The following DACH2 variants were observed in gnomAD, a reference collection of about 807,000 sequenced individuals.
DACH2 encodes the protein dachshund family transcription factor 2.
DACH2 carries 17 observed loss-of-function variants against 35.8 expected under a neutral mutation model. The ratio of observed to expected loss-of-function variants is 0.48; its 90% CI spans 0.33 to 0.71. DACH2 has a LOEUF of 0.71. Among genes scored for constraint, DACH2 ranks in the 30% least tolerant of loss-of-function variants. DACH2 has a pLI of 0.02. For missense variants in DACH2, 469 were observed against 472.7 expected, an observed-to-expected ratio of 0.99 and a Z score of 0.07; for synonymous variants, 195 against 177.3, an observed-to-expected ratio of 1.10 and a Z score of -0.79.
chrX:86,223,645 G>A (rs1047227657), intron 1 of DACH2, among the ~76,000 whole-genome samples: 4 of 111,915 alleles, frequency 3.6e-5, no homozygotes, highest in African/African-American at 1.3e-4. Flanking sequence ...CCAGAAAACG[G>A]AATTGGAAGA....
intron 1 of DACH2, among the ~76,000 whole-genome samples, chrX:86,307,767 G>A (rs1307323439): frequency 9.0e-6 from 1 of 111,042 alleles, no homozygotes; most frequent in African/African-American, 3.3e-5. Context: ...GAGGAGGTGT[G>A]CTACACTTGA....
intron 3 of DACH2, among the ~76,000 whole-genome samples, chrX:86,555,136 T>C (rs1422465385): frequency 8.9e-6 from 1 of 111,827 alleles, no homozygotes; most frequent in Non-Finnish European, 1.9e-5. Context: ...ACACCTGCAG[T>C]GTAACAGGTT....
chrX:86,230,102 C>T (rs898997333), intron 1 of DACH2, among the ~76,000 whole-genome samples: 3 of 110,549 alleles, frequency 2.7e-5, no homozygotes, highest in African/African-American at 9.9e-5. Context: ...GTGGGTTTGT[C>T]TTAGATAGCT....
intron 7 of DACH2, among the ~76,000 whole-genome samples, chrX:86,785,526 G>A (rs2042128514): frequency 9.0e-6 from 1 of 111,323 alleles, no homozygotes; most frequent in Non-Finnish European, 1.9e-5. Flanking sequence ...TGAATAACTG[G>A]CCACCTTTAT....
intron 2 of DACH2, among the ~76,000 whole-genome samples, chrX:86,412,560 C>T (rs1189721404): frequency 9.0e-6 from 1 of 111,553 alleles, no homozygotes; most frequent in Non-Finnish European, 1.9e-5. Context: ...GAGCATGAGC[C>T]CACTCCCACA....
intron 3 of DACH2, 114 bp downstream of exon 3, chrX:86,514,505 G>A: frequency 2.9e-6 from 2 of 694,758 alleles, no homozygotes; most frequent in Non-Finnish European, 2.0e-6. Flanking sequence ...CTCTATTAGA[G>A]GTTACATTAC....
At chrX:86,340,648 A>G (rs2035397503) in intron 1 of DACH2, among the ~76,000 whole-genome samples, 1 of 112,012 alleles carries the variant, frequency 8.9e-6, no homozygotes, top group South Asian at 3.7e-4. Flanking sequence ...AGCGAGGAAG[A>G]CATGTCAAAA....
At chrX:86,830,913 C>A (rs750400196) in intron 11 of DACH2, 11 of 111,401 alleles carry the variant, frequency 9.9e-5, no homozygotes, top group African/African-American at 2.9e-4. Context: ...GGAGTTGGAA[C>A]AATTACCAGT....
intron 11 of DACH2, chrX:86,829,068 C>T (rs2042588326): frequency 8.9e-6 from 1 of 111,870 alleles, no homozygotes; most frequent in African/African-American, 3.2e-5. Context: ...GCCACCCACT[C>T]TAAACACTTA....
chrX:86,534,557 G>A (rs1056520135), intron 3 of DACH2, among the ~76,000 whole-genome samples: 6 of 112,016 alleles, frequency 5.4e-5, no homozygotes, highest in South Asian at 7.4e-4. Flanking sequence ...TGGTCAGACC[G>A]TATTTGGCTT....
chrX:86,793,607 T>C (rs2042208270), intron 7 of DACH2, among the ~76,000 whole-genome samples: 1 of 111,728 alleles, frequency 9.0e-6, no homozygotes, highest in African/African-American at 3.2e-5. Context: ...AAACAAATAT[T>C]TCCAAATTTC....
At chrX:86,238,872 A>T (rs181847483) in intron 1 of DACH2, among the ~76,000 whole-genome samples, 3,438 of 111,543 alleles carry the variant, frequency 0.031, 130 homozygotes, top group African/African-American at 0.1. Context: ...TTTTTTATTT[A>T]AAAATATCAA....
chrX:86,335,883 G>T (rs1024048027), intron 1 of DACH2, among the ~76,000 whole-genome samples: 59 of 111,553 alleles, frequency 5.3e-4, no homozygotes, highest in Admixed American at 3.5e-3. Context: ...TTGGCTGTGG[G>T]TTTATCATGA....
intron 1 of DACH2, among the ~76,000 whole-genome samples, chrX:86,305,664 T>C (rs1388360196): frequency 9.1e-6 from 1 of 110,345 alleles, no homozygotes; most frequent in African/African-American, 3.3e-5. Flanking sequence ...AGAATATTTA[T>C]AAACAATGCG....
At chrX:86,630,805 C>T (rs778883383) in intron 3 of DACH2, among the ~76,000 whole-genome samples, 1 of 110,480 alleles carries the variant, frequency 9.1e-6, no homozygotes, top group South Asian at 4.0e-4. Flanking sequence ...ATTCTCCTGC[C>T]TCAGCCTCCA....
At chrX:86,654,051 G>A (rs1396845628) in intron 4 of DACH2, among the ~76,000 whole-genome samples, 1 of 108,865 alleles carries the variant, frequency 9.2e-6, no homozygotes, top group Non-Finnish European at 1.9e-5. Context: ...CTGCCTTGAT[G>A]GATCCCGACA....
At chrX:86,508,816 T>C (rs953033061) in intron 2 of DACH2, among the ~76,000 whole-genome samples, 9 of 111,428 alleles carry the variant, frequency 8.1e-5, no homozygotes, top group Non-Finnish European at 1.3e-4. Flanking sequence ...GTAAATGAAG[T>C]ATAAAATACC....
intron 1 of DACH2, among the ~76,000 whole-genome samples, chrX:86,292,061 A>C (rs5968859): frequency 0.23 from 8,229 of 35,460 alleles, 1,837 homozygotes; most frequent in African/African-American, 0.37. Flanking sequence ...GTCCTGGACT[A>C]TTTTTGGTTG....
At chrX:86,673,181 C>A (rs1443749504) in intron 4 of DACH2, among the ~76,000 whole-genome samples, 1 of 109,344 alleles carries the variant, frequency 9.1e-6, no homozygotes, top group Non-Finnish European at 1.9e-5. Flanking sequence ...TAAAAACACA[C>A]AAAAAATTAG....
Sources: gnomAD v4.1 joint callset for allele counts (sites outside exome capture counted in the v4.1 genomes callset) on GRCh38, gnomAD v4.1.1 for gene constraint, MANE v1.5 for transcripts, NCBI Gene and HGNC (gene_info 2026-07-23, HGNC 2026-07-21) for gene names.